EML4: variants seen among roughly 807,000 people sequenced by gnomAD.
EML4 encodes the protein echinoderm microtubule-associated protein-like 4.
In EML4, 72 loss-of-function variants were observed where a neutral mutation model predicts 129.0. That is an observed-to-expected ratio of 0.56 (90% CI 0.46 to 0.68). The LOEUF (loss-of-function observed/expected upper bound fraction) is 0.68, where lower values mean the gene tolerates loss of function less well. EML4 is among the 30% of genes least tolerant of loss of function. The pLI is 0.00. For missense variants in EML4, 1,363 were observed against 1,190.6 expected, an observed-to-expected ratio of 1.14 and a Z score of -2.13; for synonymous variants, 532 against 405.0, an observed-to-expected ratio of 1.31 and a Z score of -3.77.
intron 1 of EML4, among the ~76,000 whole-genome samples, chr2:42,178,346 C>G (rs982536264): frequency 6.6e-6 from 1 of 151,498 alleles, no homozygotes; most frequent in Non-Finnish European, 1.5e-5. Context: ...AGTTCAAGAC[C>G]AGTCTGGGCA....
chr2:42,282,517 C>A (rs1572684551), intron 7 of EML4, among the ~76,000 whole-genome samples: 2 of 152,056 alleles, frequency 1.3e-5, no homozygotes, highest in South Asian at 4.2e-4. Flanking sequence ...CCTCAGACTC[C>A]CAAGTAGCTG....
chr2:42,190,151 C>G (rs1304682092), intron 1 of EML4, among the ~76,000 whole-genome samples: 1 of 152,234 alleles, frequency 6.6e-6, no homozygotes, highest in Non-Finnish European at 1.5e-5. Context: ...ATGTTCTTGT[C>G]AGGATGATAG....
chr2:42,284,851 G>T, intron 9 of EML4, 148 bp downstream of exon 9: 3 of 513,670 alleles, frequency 5.8e-6, no homozygotes, highest in East Asian at 3.3e-5. Flanking sequence ...AAAAACATTA[G>T]GATATAAGAA....
intron 19 of EML4, among the ~76,000 whole-genome samples, chr2:42,318,966 G>T (rs980880986): frequency 6.6e-6 from 1 of 151,900 alleles, no homozygotes; most frequent in South Asian, 2.1e-4. Flanking sequence ...TCAGCCTCCC[G>T]AAGTGATGAG....
At chr2:42,255,679 A>G (rs1251675256) in intron 2 of EML4, among the ~76,000 whole-genome samples, 3 of 152,206 alleles carry the variant, frequency 2.0e-5, no homozygotes, top group African/African-American at 7.2e-5. Context: ...CAAAAAATAA[A>G]TGCAGCAGGT....
chr2:42,295,027 T>C, intron 11 of EML4, 98 bp from the exon 12 acceptor site: 1 of 1,100,326 alleles, frequency 9.1e-7, no homozygotes, highest in East Asian at 2.6e-5. Flanking sequence ...TTTCTCAAAA[T>C]CTTGCCCTAT....
At chr2:42,188,358 C>G (rs957665580) in intron 1 of EML4, among the ~76,000 whole-genome samples, 1 of 152,026 alleles carries the variant, frequency 6.6e-6, no homozygotes, top group Non-Finnish European at 1.5e-5. Flanking sequence ...GTAGCTGGGA[C>G]TACAGGTGCA....
chr2:42,187,398 T>G (rs1377439571), intron 1 of EML4, among the ~76,000 whole-genome samples: 2 of 152,172 alleles, frequency 1.3e-5, no homozygotes, highest in African/African-American at 4.8e-5. Flanking sequence ...TAATCTGTGG[T>G]CTTTTTTGTG....
intron 1 of EML4, among the ~76,000 whole-genome samples, chr2:42,215,268 C>T (rs184002090): frequency 1.3e-5 from 2 of 152,250 alleles, no homozygotes; most frequent in Non-Finnish European, 2.9e-5. Flanking sequence ...CCATATTGCT[C>T]AGGCTGGTCT....
chr2:42,281,456 A>T (rs957924740), intron 7 of EML4, among the ~76,000 whole-genome samples: 3 of 152,112 alleles, frequency 2.0e-5, no homozygotes, highest in Non-Finnish European at 2.9e-5. Context: ...ATTTAAAGCC[A>T]TCAAAGTTTA....
chr2:42,174,712 A>C (rs965656220), intron 1 of EML4, among the ~76,000 whole-genome samples: 8 of 152,170 alleles, frequency 5.3e-5, no homozygotes, highest in African/African-American at 1.9e-4. Context: ...AGCATTCCTT[A>C]TTTACAGTTT....
At chr2:42,196,725 G>T (rs984753786) in intron 1 of EML4, among the ~76,000 whole-genome samples, 1 of 152,182 alleles carries the variant, frequency 6.6e-6, no homozygotes, top group Non-Finnish European at 1.5e-5. Context: ...TAAGGTCCAA[G>T]GAAAGCTAAA....
At position 42,240,974 on chromosome 2, in the gene EML4, A is replaced by G. The variant is rs190300475; in HGVS notation, c.26-4531A>G. ...AGCCTGACCAACATGGCAAAACTCC[A>G]TATCTACAAAAAAATAAAAGTTAGC... On this transcript the variant is annotated intron_variant, in intron 1 of 22. Transcript: ENST00000318522. Among the ~76,000 whole-genome samples, 5 of 152,230 alleles carry G rather than the reference A, an allele frequency of 3.3e-5. No homozygotes were observed. The East Asian group carries it at 9.7e-4, about 30-fold the overall frequency.
chr2:42,238,822 C>G (rs749429071), intron 1 of EML4, among the ~76,000 whole-genome samples: 4 of 152,150 alleles, frequency 2.6e-5, no homozygotes, highest in Non-Finnish European at 5.9e-5. Flanking sequence ...CTTGCTCTGT[C>G]ACGCAGACTT....
chr2:42,240,830 G>A (rs965774719), intron 1 of EML4, among the ~76,000 whole-genome samples: 2 of 152,166 alleles, frequency 1.3e-5, no homozygotes, highest in African/African-American at 4.8e-5. Flanking sequence ...GAAGAAAGCA[G>A]TCACAGAGTT....
intron 11 of EML4, among the ~76,000 whole-genome samples, chr2:42,294,130 A>C (rs1558583231): frequency 6.6e-6 from 1 of 152,212 alleles, no homozygotes; most frequent in Non-Finnish European, 1.5e-5. Context: ...ATAGAAATAC[A>C]CTGTTTTAGA....
intron 1 of EML4, among the ~76,000 whole-genome samples, chr2:42,217,072 TTCTGACAGTCAATA>T (rs1673238609): frequency 6.6e-6 from 1 of 152,244 alleles, no homozygotes; most frequent in African/African-American, 2.4e-5. Context: ...TTAACCAATA[TTCTGACAGTCAATA>T]TTCTCATAGT....
rs143165138 is a variant in EML4 at position 42,297,317 on chromosome 2, G to A, written c.1489+1801G>A. 2.1e-4 allele frequency among the ~76,000 whole-genome samples: 32 copies of A among 152,100 alleles called. No individual in the cohort carries two copies. In the East Asian group the frequency reaches 4.6e-3, roughly 22 times the overall value. ...AAACAGTGACTTTTAAATTGTTCAC[G>A]AATCTCCAACACTGAGCAGAATTTG... On this transcript the variant is annotated intron_variant, in intron 13 of 22. Transcript: ENST00000318522.
rs532468726 is a variant in EML4 at position 42,285,004 on chromosome 2, G to A, written c.1011+301G>A. 5.3e-5 allele frequency among the ~76,000 whole-genome samples: 8 copies of A among 152,188 alleles called. No homozygotes were observed. In the East Asian group the frequency reaches 1.5e-3, roughly 29 times the overall value. On this transcript the variant is annotated intron_variant, in intron 9 of 22. Coordinates refer to ENST00000318522, the MANE Select transcript of EML4 (RefSeq NM_019063.5). ...TATAAAATAACATATAAAGTAACCA[G>A]TGTCTGCGGGAAGGTACTGCAGTTT...
Sources: allele counts gnomAD v4.1 joint callset (sites outside exome capture counted in the v4.1 genomes callset), GRCh38; gene constraint gnomAD v4.1.1; transcripts MANE v1.5; gene names NCBI Gene and HGNC (gene_info 2026-07-23, HGNC 2026-07-21).